Variants in ABAT observed in about 807,000 individuals in gnomAD.
ABAT encodes the protein 4-aminobutyrate aminotransferase, mitochondrial.
Under a neutral mutation model 64.6 loss-of-function variants are expected in ABAT, and 45 were observed. The observed-to-expected ratio is 0.70, with a 90% CI of 0.55 to 0.89. The LOEUF is 0.89. Among genes scored for constraint, ABAT ranks in the 40% least tolerant of loss-of-function variants. The pLI is 0.00. For missense variants in ABAT, 633 were observed against 658.4 expected (o/e 0.96, Z 0.42); for synonymous variants, 297 against 250.5 (o/e 1.19, Z -1.75).
chr16:8,761,217 C>CCA (rs1567308618), intron 6 of ABAT, among the ~76,000 whole-genome samples: 4 of 144,494 alleles, frequency 2.8e-5, no homozygotes, highest in Admixed American at 7.0e-5. Context: ...CCTCTCTCTG[C>CCA]CCTCTCACCT....
chr16:8,681,429 G>A (rs1233405253), intron 1 of ABAT, among the ~76,000 whole-genome samples: 2 of 147,468 alleles, frequency 1.4e-5, no homozygotes, highest in Non-Finnish European at 3.0e-5. Flanking sequence ...GGAACTCACA[G>A]TCTACTGCAA....
intron 2 of ABAT, among the ~76,000 whole-genome samples, chr16:8,741,965 G>A (rs527237248): frequency 1.3e-5 from 2 of 152,338 alleles, no homozygotes; most frequent in South Asian, 2.1e-4. Context: ...GGCCAGCCTA[G>A]CATTTTAGTA....
At chr16:8,702,012 T>C (rs559194707) in intron 1 of ABAT, among the ~76,000 whole-genome samples, 8 of 152,138 alleles carry the variant, frequency 5.3e-5, no homozygotes, top group African/African-American at 1.9e-4. Flanking sequence ...TCTGATGGCA[T>C]TGGCTGTCAC....
intron 1 of ABAT, among the ~76,000 whole-genome samples, chr16:8,723,230 C>G (rs1353489760): frequency 1.3e-5 from 2 of 152,108 alleles, no homozygotes; most frequent in Non-Finnish European, 2.9e-5. Context: ...AAGATCGTGT[C>G]TCTCAAAAAA....
At chr16:8,704,882 C>A (rs956815829) in intron 1 of ABAT, among the ~76,000 whole-genome samples, 2 of 152,026 alleles carry the variant, frequency 1.3e-5, no homozygotes. Flanking sequence ...TGGGGGGTCT[C>A]ACTATGTTGC....
intron 1 of ABAT, among the ~76,000 whole-genome samples, chr16:8,719,883 C>T (rs1249356221): frequency 1.3e-5 from 2 of 152,232 alleles, no homozygotes; most frequent in African/African-American, 4.8e-5. Flanking sequence ...ACGACCTCTA[C>T]TCACTGCAAC....
chr16:8,778,143 C>G (rs2060320861), intron 14 of ABAT, among the ~76,000 whole-genome samples: 1 of 152,118 alleles, frequency 6.6e-6, no homozygotes, highest in Admixed American at 6.5e-5. Context: ...TTCATATGGA[C>G]AGCAGAGAGT....
intron 3 of ABAT, 99 bp downstream of exon 3, chr16:8,746,197 G>C: frequency 5.6e-6 from 5 of 894,612 alleles, no homozygotes; most frequent in African/African-American, 1.6e-5. Context: ...TTGATTGTCA[G>C]CTGCTTTCAG....
intron 1 of ABAT, among the ~76,000 whole-genome samples, chr16:8,712,211 A>C (rs1013136612): frequency 6.6e-6 from 1 of 152,198 alleles, no homozygotes; most frequent in African/African-American, 2.4e-5. Flanking sequence ...AGCCTGGATG[A>C]CAGAGCAAGA....
rs1021270177 is a variant in ABAT, at chr16:8,735,828, G to T, written c.70+19G>T. On this transcript the variant is annotated intron_variant, in intron 2 of 15. Coordinates refer to ENST00000268251, the MANE Select transcript of ABAT (RefSeq NM_020686.6). ...GTGCCTGGTAAGCCCCGGGGGTCTTGATAAGAACTGGTACTAATGGAAGAT... is the reference window on the plus strand; with the variant it reads ...GTGCCTGGTAAGCCCCGGGGGTCTTTATAAGAACTGGTACTAATGGAAGAT... 4 of 1,583,212 alleles carry T rather than the reference G, an allele frequency of 2.5e-6. No individual in the cohort carries two copies. Among genetic ancestry groups the T allele is most frequent in the Non-Finnish European group, 3.4e-6 (4 of 1,162,660 alleles).
chr16:8,754,710 CTTTCTTTCTTTCTTTTTTT>C (rs2059601406), intron 5 of ABAT, among the ~76,000 whole-genome samples: 1 of 66,290 alleles, frequency 1.5e-5, no homozygotes. Flanking sequence ...TTCTTTCTTT[CTTTCTTTCTTTCTTTTTTT>C]TTTCTTGAAA....
intron 1 of ABAT, among the ~76,000 whole-genome samples, chr16:8,688,222 TG>T (rs1399764741): frequency 1.3e-5 from 2 of 152,146 alleles, no homozygotes; most frequent in African/African-American, 4.8e-5. Flanking sequence ...TACAAGACAC[TG>T]GGTAACACTG....
chr16:8,679,652 C>A (rs1484037350), intron 1 of ABAT, among the ~76,000 whole-genome samples: 2 of 152,018 alleles, frequency 1.3e-5, no homozygotes, highest in African/African-American at 4.8e-5. Context: ...TTAACACGAG[C>A]CCTGGTCTCT....
chr16:8,780,709 GA>G (rs2060408131), intron 15 of ABAT: 1 of 170,810 alleles, frequency 5.9e-6, no homozygotes, highest in Non-Finnish European at 1.3e-5. Flanking sequence ...TGCAGTGAGT[GA>G]GACTGGGTTG....
chr16:8,719,534 G>T (rs2058305625), intron 1 of ABAT, among the ~76,000 whole-genome samples: 1 of 152,132 alleles, frequency 6.6e-6, no homozygotes, highest in African/African-American at 2.4e-5. Flanking sequence ...CCTGATTGAG[G>T]TGGGCAGAGA....
At position 8,695,867 on chromosome 16, in the gene ABAT, G is replaced by A. The variant is rs769817033; in HGVS notation, c.-42+21156G>A. Among the ~76,000 whole-genome samples the A allele has an allele frequency of 2.0e-5, 3 of 152,244 alleles. No homozygotes were observed. In the East Asian group the frequency reaches 5.8e-4, roughly 29 times the overall value. On this transcript the variant is annotated intron_variant, in intron 1 of 15. Coordinates refer to ENST00000268251, the MANE Select transcript of ABAT (RefSeq NM_020686.6). ...GTTCTTGGGGCAGAGCAGTTGACCCGAGGGAGTGGATAATTAAACAATGCA... is the reference window on the plus strand; with the variant it reads ...GTTCTTGGGGCAGAGCAGTTGACCCAAGGGAGTGGATAATTAAACAATGCA...
In ABAT at chr16:8,744,952, A is replaced by C. The variant is rs574261501; in HGVS notation, c.71-1049A>C. On this transcript the variant is annotated intron_variant, in intron 2 of 15. Coordinates refer to ENST00000268251, the MANE Select transcript of ABAT (RefSeq NM_020686.6). ...GACTATGCCACATTCTGCTTAGCTG[A>C]CCTCCGGTGCTGGACATGTAGGTTG... Among the ~76,000 whole-genome samples the C allele has an allele frequency of 4.8e-4, 73 of 152,020 alleles. 1 individual carries two copies. Among genetic ancestry groups the C allele is most frequent in the African/African-American group, 1.7e-3 (69 of 41,464 alleles).
chr16:8,780,763 TAAAAAA>T (rs60149541), intron 15 of ABAT: 8 of 137,506 alleles, frequency 5.8e-5, no homozygotes, highest in South Asian at 3.0e-4. Flanking sequence ...ACTCCATCTC[TAAAAAA>T]AAAAAAAAAA....
chr16:8,737,203 G>T (rs1407768822), intron 2 of ABAT: 1 of 152,230 alleles, frequency 6.6e-6, no homozygotes, highest in Non-Finnish European at 1.5e-5. Flanking sequence ...TCTTGGCCGG[G>T]CGCAGTGGCT....
Sources: gnomAD v4.1 joint callset for allele counts (sites outside exome capture counted in the v4.1 genomes callset) on GRCh38, gnomAD v4.1.1 for gene constraint, MANE v1.5 for transcripts, NCBI Gene and HGNC (gene_info 2026-07-23, HGNC 2026-07-21) for gene names.